Variants in EFNA5 observed in about 807,000 individuals in gnomAD.
EFNA5 encodes ephrin-A5.
EFNA5 carries 5 observed loss-of-function variants against 22.9 expected under a neutral mutation model. That is an observed-to-expected ratio of 0.22 (90% confidence interval 0.11 to 0.46). The LOEUF (loss-of-function observed/expected upper bound fraction) is 0.46. EFNA5 is among the 20% of genes least tolerant of loss of function. The pLI, the probability that EFNA5 is intolerant of heterozygous loss-of-function variation, is 0.99. For synonymous variants in EFNA5, 113 were observed against 112.2 expected, an observed-to-expected ratio of 1.01 and a Z score of -0.04; for missense variants, 237 against 293.3, an observed-to-expected ratio of 0.81 and a Z score of 1.40.
At position 107,378,838 on chromosome 5, in the gene EFNA5, A is replaced by G. The variant is rs1350648672; in HGVS notation, c.*2417T>C. The G allele has an allele frequency of 6.6e-6, 1 of 152,184 alleles. No individual in the cohort carries two copies. Among genetic ancestry groups the G allele is most frequent in the African/African-American group, 2.4e-5 (1 of 41,450 alleles). The allele number at this position is 152,184 out of a possible 1,614,324, so 9.4% of individuals were successfully genotyped here. On this transcript the variant is annotated 3_prime_UTR_variant, in exon 5 of 5. Coordinates refer to ENST00000333274, the MANE Select transcript of EFNA5 (RefSeq NM_001962.3). ...CTAAAATGCATTTAGCACTGCTAAC[A>G]TAGTTATGACTAACTGGAATCATGA... is the stretch of plus-strand genomic sequence containing the variant.
intron 1 of EFNA5, among the ~76,000 whole-genome samples, chr5:107,536,823 TC>T (rs1215128403): frequency 6.6e-6 from 1 of 152,180 alleles, no homozygotes; most frequent in African/African-American, 2.4e-5. Context: ...AGTAGATTTT[TC>T]GGCCGGGTGC....
chr5:107,560,487 T>G (rs1748512296), intron 1 of EFNA5, among the ~76,000 whole-genome samples: 1 of 152,200 alleles, frequency 6.6e-6, no homozygotes, highest in South Asian at 2.1e-4. Flanking sequence ...TTATTCACCT[T>G]TAATATTACC....
At chr5:107,442,190 C>T (rs592479) in intron 1 of EFNA5, among the ~76,000 whole-genome samples, 59,258 of 115,098 alleles carry the variant, frequency 0.51, 12,052 homozygotes, top group African/African-American at 0.58. Context: ...CTTTTTTTTT[C>T]CCATTGATAC....
intron 1 of EFNA5, among the ~76,000 whole-genome samples, chr5:107,662,697 C>T (rs894373134): frequency 6.6e-5 from 10 of 150,982 alleles, no homozygotes; most frequent in South Asian, 2.1e-4. Flanking sequence ...CTTAATATAA[C>T]GCATCTTAAC....
intron 1 of EFNA5, among the ~76,000 whole-genome samples, chr5:107,606,548 C>T (rs1047040674): frequency 7.4e-6 from 1 of 135,382 alleles, no homozygotes; most frequent in East Asian, 2.1e-4. Flanking sequence ...AACACACACA[C>T]ACACACACAC....
chr5:107,453,166 A>G (rs1749604387), intron 1 of EFNA5, among the ~76,000 whole-genome samples: 1 of 152,208 alleles, frequency 6.6e-6, no homozygotes, highest in Admixed American at 6.5e-5. Flanking sequence ...ACATAGTCAC[A>G]TTCTAGATGG....
intron 1 of EFNA5, among the ~76,000 whole-genome samples, chr5:107,459,384 A>AAG (rs930110519): frequency 3.3e-5 from 5 of 152,100 alleles, no homozygotes; most frequent in African/African-American, 1.2e-4. Flanking sequence ...ATGAAAAAAA[A>AAG]AAAAAAGAAA....
intron 1 of EFNA5, among the ~76,000 whole-genome samples, chr5:107,571,283 G>A (rs907058266): frequency 6.6e-6 from 1 of 152,168 alleles, no homozygotes; most frequent in African/African-American, 2.4e-5. Flanking sequence ...CTGGGGCAGA[G>A]AGCACAGGAA....
chr5:107,628,928 A>G (rs1479524401), intron 1 of EFNA5, among the ~76,000 whole-genome samples: 2 of 152,168 alleles, frequency 1.3e-5, no homozygotes, highest in Non-Finnish European at 2.9e-5. Flanking sequence ...TAATCATTGT[A>G]TTTTCTGCAA....
intron 1 of EFNA5, among the ~76,000 whole-genome samples, chr5:107,493,907 G>A (rs1746887518): frequency 6.6e-6 from 1 of 152,188 alleles, no homozygotes; most frequent in South Asian, 2.1e-4. Flanking sequence ...ACTTACCCAA[G>A]TGTACACTGC....
At chr5:107,500,759 A>C (rs1444077337) in intron 1 of EFNA5, among the ~76,000 whole-genome samples, 3 of 152,154 alleles carry the variant, frequency 2.0e-5, no homozygotes, top group African/African-American at 7.2e-5. Flanking sequence ...GCATATATTC[A>C]AATATAATAA....
chr5:107,474,222 T>C (rs1160716806), intron 1 of EFNA5, among the ~76,000 whole-genome samples: 1 of 152,170 alleles, frequency 6.6e-6, no homozygotes, highest in Admixed American at 6.6e-5. Context: ...CACAGAAATA[T>C]TCTGCTGGAG....
intron 1 of EFNA5, among the ~76,000 whole-genome samples, chr5:107,508,199 T>G (rs1747291438): frequency 6.6e-6 from 1 of 152,220 alleles, no homozygotes; most frequent in South Asian, 2.1e-4. Context: ...GTTTGTTCTC[T>G]GTGGAACTGT....
chr5:107,529,801 A>G (rs531203463), intron 1 of EFNA5, among the ~76,000 whole-genome samples: 2 of 152,334 alleles, frequency 1.3e-5, no homozygotes, highest in South Asian at 4.1e-4. Context: ...ACAAAGTATT[A>G]GTATACAAGC....
chr5:107,471,475 A>G (rs1205174074), intron 1 of EFNA5, among the ~76,000 whole-genome samples: 1 of 152,198 alleles, frequency 6.6e-6, no homozygotes, highest in African/African-American at 2.4e-5. Flanking sequence ...AATCTGAGAC[A>G]TGGTCCCAGT....
intron 1 of EFNA5, among the ~76,000 whole-genome samples, chr5:107,527,421 G>A (rs549823205): frequency 2.6e-5 from 4 of 151,818 alleles, no homozygotes; most frequent in East Asian, 1.9e-4. Context: ...CGAGTAGCTC[G>A]GACTACAGGC....
intron 1 of EFNA5, among the ~76,000 whole-genome samples, chr5:107,662,701 T>G (rs1385329332): frequency 6.6e-6 from 1 of 151,370 alleles, no homozygotes; most frequent in Non-Finnish European, 1.5e-5. Context: ...ATATAACGCA[T>G]CTTAACCCCA....
intron 1 of EFNA5, among the ~76,000 whole-genome samples, chr5:107,461,377 G>A (rs1749829872): frequency 1.3e-5 from 2 of 152,090 alleles, no homozygotes; most frequent in Admixed American, 1.3e-4. Flanking sequence ...TTTAAGGGCA[G>A]CAAGGTACCA....
rs1268344181 is a variant in EFNA5, at chr5:107,482,820, CTCTCTGTCTCTG to C, written c.126-55323_126-55312del. ...GCTCTCTCTCTCTCTCTCTGTCTCT[CTCTCTGTCTCTG>C]TCTCTCTCTCTCTCTCTCTCTCTCT... On this transcript the variant is annotated intron_variant, in intron 1 of 4. Coordinates refer to ENST00000333274, the MANE Select transcript of EFNA5 (RefSeq NM_001962.3). Among the ~76,000 whole-genome samples the C allele has an allele frequency of 9.5e-3, 527 of 55,562 alleles. 4 individuals are homozygous for C. Among genetic ancestry groups the C allele is most frequent in the African/African-American group, 0.025 (432 of 17,572 alleles). 36.5% of individuals were successfully genotyped at this position (55,562 alleles called of 152,430 possible).
Sources: allele counts gnomAD v4.1 joint callset (sites outside exome capture counted in the v4.1 genomes callset), GRCh38; gene constraint gnomAD v4.1.1; transcripts MANE v1.5; gene names NCBI Gene and HGNC (gene_info 2026-07-23, HGNC 2026-07-21).